The following KIF1C variants were observed in gnomAD, a reference collection of about 807,000 sequenced individuals.
KIF1C encodes the protein kinesin family member 1C.
In KIF1C, 61 loss-of-function variants were observed where a neutral mutation model predicts 126.5. That is an observed-to-expected ratio of 0.48 (90% CI 0.39 to 0.60). KIF1C has a LOEUF of 0.60. KIF1C is among the 20% of genes least tolerant of loss of function. The pLI, the probability that KIF1C is intolerant of heterozygous loss-of-function variation, is 0.00. For synonymous variants in KIF1C, 640 were observed against 580.6 expected (o/e 1.10, Z -1.47); for missense variants, 1,315 against 1,489.2 (o/e 0.88, Z 1.93).
In KIF1C at chr17:5,020,827, G is replaced by A. The variant is rs759048539; in HGVS notation, c.1959G>A (p.Gln653=). 32 of 1,593,220 alleles carry A rather than the reference G, an allele frequency of 2.0e-5. No individual in the cohort carries two copies. The highest frequency in any genetic ancestry group is 2.7e-5 in the Non-Finnish European group (31 of 1,169,660). ...CCAGGCTGCAGGATCTGGAGAATCAGTACCGGAAAGAAAAGGAAGAAGCCG... is the reference window on the plus strand; with the variant it reads ...CCAGGCTGCAGGATCTGGAGAATCAATACCGGAAAGAAAAGGAAGAAGCCG... ...MEKRLQDLEN[Q]YRKEKEEADL... Residue 653 remains glutamine (Q), a synonymous_variant, in exon 21 of 23, where the codon CAG becomes CAA. Transcript: ENST00000320785. This position sits in a 1 kb window ranked among gnomAD's most constrained non-coding sequence, Gnocchi z 5.8.
intron 8 of KIF1C, among the ~76,000 whole-genome samples, chr17:5,003,380 CCT>C (rs1270646211): frequency 1.3e-5 from 2 of 152,294 alleles, no homozygotes; most frequent in East Asian, 3.9e-4. Flanking sequence ...GCTTGGATCC[CCT>C]GTGTGTCCCT....
chr17:4,998,454 G>A (rs1597834557), intron 1 of KIF1C, among the ~76,000 whole-genome samples: 1 of 152,136 alleles, frequency 6.6e-6, no homozygotes, highest in African/African-American at 2.4e-5. Flanking sequence ...CACCCCAGCC[G>A]CCCAGTATCC....
intron 4 of KIF1C, 129 bp downstream of exon 4, chr17:5,000,977 TG>T (rs1329551850): frequency 1.9e-6 from 2 of 1,042,412 alleles, no homozygotes; most frequent in Non-Finnish European, 2.9e-6. Context: ...TGATCCTGGG[TG>T]GGGGTGGTAG....
intron 18 of KIF1C, among the ~76,000 whole-genome samples, chr17:5,016,547 G>A (rs575671368): frequency 1.3e-5 from 2 of 149,644 alleles, no homozygotes; most frequent in South Asian, 2.2e-4. Context: ...CACCGCACCC[G>A]GCCAGCACAT....
chr17:5,004,059 T>C lies in KIF1C; in HGVS notation c.926T>C (p.Leu309Pro). 6.2e-7 allele frequency: 1 copy of C among 1,613,742 alleles called. No individual in the cohort carries two copies. Residue 309 changes from leucine to proline, a missense_variant, in exon 11 of 23, where the codon CTC (leucine) becomes CCC (proline). Transcript: ENST00000320785. Reference sequence around the variant, plus strand: ...AGGGACTCTGTGCTCACCTGGCTGCTCAAGGAAAATTTGGGTGAGGGCCTC... The same window carrying C: ...AGGGACTCTGTGCTCACCTGGCTGCCCAAGGAAAATTTGGGTGAGGGCCTC... The part of the protein sequence containing the change: ...PYRDSVLTWL[L>P]KENLGGNSRT...
At chr17:5,005,201 A>G (rs1300257622) in intron 13 of KIF1C, among the ~76,000 whole-genome samples, 4 of 152,250 alleles carry the variant, frequency 2.6e-5, no homozygotes, top group African/African-American at 9.6e-5. Context: ...ATTCTCTAGG[A>G]GAGGATGAGG....
rs1044224928 is a variant in KIF1C at position 5,023,075 on chromosome 17, C to G, written c.2628+366C>G. Among the ~76,000 whole-genome samples, 14 of 152,216 alleles carry G rather than the reference C, an allele frequency of 9.2e-5. No individual in the cohort carries two copies. Among genetic ancestry groups the G allele is most frequent in the African/African-American group, 3.4e-4 (14 of 41,452 alleles). Reference sequence around the variant, plus strand: ...CTGTTGCCAGTCTGGAGTGCAGTGGCACAATCTCGGCTCACTGCAACTTCC... The same window carrying G: ...CTGTTGCCAGTCTGGAGTGCAGTGGGACAATCTCGGCTCACTGCAACTTCC... On this transcript the variant is annotated intron_variant, in intron 22 of 22. Coordinates refer to ENST00000320785, the MANE Select transcript of KIF1C (RefSeq NM_006612.6). The surrounding 1 kb of genome is among the most constrained non-coding windows in gnomAD (Gnocchi z 4.2).
At chr17:5,013,566 A>T (rs1974910693) in intron 16 of KIF1C, 87 bp from the exon 17 acceptor site, 1 of 863,774 alleles carries the variant, frequency 1.2e-6, no homozygotes, top group Non-Finnish European at 1.9e-6. Context: ...CCAGGACTGG[A>T]GGGGTGTCTC....
At chr17:5,011,728 C>T (rs1183006637) in intron 16 of KIF1C, 1 of 152,092 alleles carries the variant, frequency 6.6e-6, no homozygotes, top group Non-Finnish European at 1.5e-5. Flanking sequence ...ACACAGACAC[C>T]TCTGGGGGAC....
chr17:5,009,511 G>A (rs1027334768), intron 16 of KIF1C, among the ~76,000 whole-genome samples: 9 of 151,620 alleles, frequency 5.9e-5, no homozygotes, highest in African/African-American at 1.9e-4. Flanking sequence ...TCCTTGGGTC[G>A]GGCCTGGTGG....
At position 5,022,458 on chromosome 17, in the gene KIF1C, G is replaced by A. The variant is rs1393424251; in HGVS notation, c.2377G>A (p.Gly793Arg). 2.0e-5 allele frequency: 31 copies of A among 1,584,064 alleles called. No homozygotes were observed. Among genetic ancestry groups the A allele is most frequent in the African/African-American group, 4.0e-5 (3 of 74,348 alleles). ...CACCTATGGCAAGCCAGACGGCCCC[G>A]GAGACGCCTGGAGGGCTGTGGCCCG... ...CRTYGKPDGPGDAWRAVARDV... is the reference protein window; with the variant it reads ...CRTYGKPDGPRDAWRAVARDV... Residue 793 changes from glycine to arginine, a missense_variant, in exon 22 of 23, where the codon GGA (glycine) becomes AGA (arginine). Physicochemically the swap from Gly to Arg is moderately radical, Grantham distance 125. Transcript: ENST00000320785. The surrounding 1 kb of genome is among the most constrained non-coding windows in gnomAD (Gnocchi z 4.9).
intron 18 of KIF1C, 23 bp from the exon 19 acceptor site, chr17:5,019,973 C>T: frequency 6.3e-7 from 1 of 1,577,698 alleles, no homozygotes; most frequent in East Asian, 2.3e-5. Context: ...TAATCTTTCC[C>T]CTTCCTCTGC....
At position 5,022,072 on chromosome 17, in the gene KIF1C, C is replaced by T. The variant is rs760131823; in HGVS notation, c.2011-20C>T. 1.3e-6 allele frequency: 2 copies of T among 1,580,304 alleles called. No homozygotes were observed. Among genetic ancestry groups the T allele is most frequent in the African/African-American group, 2.7e-5 (2 of 74,346 alleles). On this transcript the variant is annotated intron_variant, in intron 21 of 22. Coordinates refer to ENST00000320785, the MANE Select transcript of KIF1C (RefSeq NM_006612.6). The surrounding 1 kb of genome is among the most constrained non-coding windows in gnomAD (Gnocchi z 4.9). ...TGGATGTCCTTAGCCCTCTCTTCCT[C>T]TTTCTTTCTCTGGCCCCAGTATGCA...
rs552440254 is a variant in KIF1C at position 5,022,384 on chromosome 17, G to A, written c.2303G>A (p.Arg768Gln). The change falls in exon 22 of 23, where the codon CGG becomes CAG. Residue 768 changes from arginine to glutamine, a missense_variant. Coordinates refer to ENST00000320785, the MANE Select transcript of KIF1C (RefSeq NM_006612.6). This position sits in a 1 kb window ranked among gnomAD's most constrained non-coding sequence, Gnocchi z 4.9. ...EVALADFRHG[R>Q]AEIEALAALK... ...GCCCTGGCTGACTTCCGCCACGGGC[G>A]GGCTGAGATTGAGGCCCTGGCCGCC... 113 of 1,580,770 alleles carry A rather than the reference G, an allele frequency of 7.1e-5. No homozygotes were observed. Among genetic ancestry groups the A allele is most frequent in the Non-Finnish European group, 9.0e-5 (105 of 1,162,458 alleles).
At position 5,000,217 on chromosome 17, in the gene KIF1C, C is replaced by G. The variant is rs140316925; in HGVS notation, c.-27-3C>G. The G allele has an allele frequency of 9.9e-5, 148 of 1,494,494 alleles. No homozygotes were observed. In the African/African-American group the frequency reaches 1.9e-3, roughly 19 times the overall value. The allele number at this position is 1,494,494 out of a possible 1,614,324, so 92.6% of individuals were successfully genotyped here. On this transcript the variant is annotated splice_region_variant and splice_polypyrimidine_tract_variant and intron_variant, in intron 2 of 22. Transcript: ENST00000320785. ...CCCCACCACTCCTTTCTCTGTCCTC[C>G]AGCTGAGGAGGGCAGGAGTGTCTGG...
rs144939400 is a variant in KIF1C, at chr17:5,007,051, G to C, written c.1302G>C (p.Gln434His). ...CATTCTCCCCCAACACGGAGTCCCAGATTGGGCCTGAGGAAGCCATGGAGA... is the reference window on the plus strand; with the variant it reads ...CATTCTCCCCCAACACGGAGTCCCACATTGGGCCTGAGGAAGCCATGGAGA... ...EPSFSPNTES[Q>H]IGPEEAMERL... Residue 434 changes from glutamine to histidine, a missense_variant, in exon 14 of 23, where the codon CAG becomes CAC. Coordinates refer to ENST00000320785, the MANE Select transcript of KIF1C (RefSeq NM_006612.6). The C allele has an allele frequency of 6.2e-7, 1 of 1,603,814 alleles. No individual in the cohort carries two copies. Among genetic ancestry groups the C allele is most frequent in the Non-Finnish European group, 8.5e-7 (1 of 1,176,982 alleles).
intron 5 of KIF1C, 49 bp downstream of exon 5, chr17:5,001,450 G>A (rs771894513): frequency 1.7e-5 from 27 of 1,559,464 alleles, no homozygotes; most frequent in Non-Finnish European, 1.5e-5. Flanking sequence ...ATCTTTAGCT[G>A]CCCTCTGAGG....
Position 5,008,454 on chromosome 17 carries a change from C to T in KIF1C, c.1491+912C>T, listed in dbSNP as rs776838669. On this transcript the variant is annotated intron_variant, in intron 16 of 22. Coordinates refer to ENST00000320785, the MANE Select transcript of KIF1C (RefSeq NM_006612.6). ...GGGAACCAGCCCAGCCCGTCTGGAC[C>T]ATGGTGTGAAGCAGCAGAGGATCAG... 2.6e-5 allele frequency among the ~76,000 whole-genome samples: 4 copies of T among 152,190 alleles called. No homozygotes were observed. In the South Asian group the frequency reaches 6.2e-4, roughly 24 times the overall value.
intron 1 of KIF1C, among the ~76,000 whole-genome samples, 183 bp from the exon 2 acceptor site, chr17:4,999,667 G>T (rs1325579235): frequency 1.3e-5 from 2 of 152,038 alleles, no homozygotes; most frequent in African/African-American, 4.8e-5. Context: ...ATTTGCGAGT[G>T]ACAAGGAATA....
Sources: gnomAD v4.1 joint callset for allele counts (sites outside exome capture counted in the v4.1 genomes callset) on GRCh38, gnomAD v4.1.1 for gene constraint, Gnocchi (gnomAD v3.1) non-coding constraint, MANE v1.5 for transcripts, NCBI Gene and HGNC (gene_info 2026-07-23, HGNC 2026-07-21) for gene names.